The following CASZ1 variants were observed in gnomAD, a reference collection of about 807,000 sequenced individuals.
The protein encoded by CASZ1 is zinc finger protein castor homolog 1.
CASZ1 carries 28 observed loss-of-function variants against 135.2 expected under a neutral mutation model. The ratio of observed to expected loss-of-function variants is 0.21; its 90% CI spans 0.15 to 0.28. The LOEUF is 0.28. Ranked by LOEUF, CASZ1 falls within the 10% of genes least tolerant of loss-of-function variation. The pLI is 1.00. For synonymous variants in CASZ1, 1,068 were observed against 1,073.4 expected (o/e 0.99, Z 0.10); for missense variants, 2,161 against 2,453.3 (o/e 0.88, Z 2.52).
At chr1:10,645,325 T>C (rs1003967056) in intron 17 of CASZ1, among the ~76,000 whole-genome samples, 3 of 151,848 alleles carry the variant, frequency 2.0e-5, no homozygotes, top group Non-Finnish European at 4.4e-5. Context: ...GATCAGGAGA[T>C]CAAGACCATC....
intron 2 of CASZ1, among the ~76,000 whole-genome samples, chr1:10,736,889 G>A (rs1233493858): frequency 6.6e-6 from 1 of 152,232 alleles, no homozygotes; most frequent in African/African-American, 2.4e-5. Context: ...GGTGGGAGGT[G>A]CCCGGGCCTG....
Position 10,759,600 on chromosome 1 carries a change from C to T in CASZ1, c.-77+1101G>A, listed in dbSNP as rs1023549056. 3.3e-5 allele frequency among the ~76,000 whole-genome samples: 5 copies of T among 152,176 alleles called. No individual in the cohort carries two copies. Among genetic ancestry groups the T allele is most frequent in the African/African-American group, 1.2e-4 (5 of 41,452 alleles). On this transcript the variant is annotated intron_variant, in intron 2 of 20. Transcript: ENST00000377022. The surrounding 1 kb of genome is among the most constrained non-coding windows in gnomAD (Gnocchi z 4.2). ...AGGCATGGCCTGGATTCAGGCAGGT[C>T]TGCAGCTTCAGGGACCTACCAAACC... is the stretch of plus-strand genomic sequence containing the variant.
chr1:10,743,896 C>T (rs1333268096), intron 2 of CASZ1, among the ~76,000 whole-genome samples: 9 of 86,114 alleles, frequency 1.0e-4, no homozygotes, highest in Admixed American at 1.5e-4. Flanking sequence ...GAGCATGGGG[C>T]GGCGGGGGGA....
intron 2 of CASZ1, among the ~76,000 whole-genome samples, chr1:10,751,723 A>C (rs1484693124): frequency 6.6e-6 from 1 of 152,134 alleles, no homozygotes; most frequent in African/African-American, 2.4e-5. Context: ...CCTTCTGCTC[A>C]CACCACAAGA....
At chr1:10,658,635 G>T in intron 6 of CASZ1, 59 bp from the exon 7 acceptor site, 2 of 1,495,210 alleles carry the variant, frequency 1.3e-6, no homozygotes, top group South Asian at 2.3e-5. Context: ...CGTGTTACAG[G>T]GGCATCTGGT....
intron 11 of CASZ1, chr1:10,651,916 T>G (rs1642602288): frequency 6.6e-6 from 1 of 152,240 alleles, no homozygotes; most frequent in South Asian, 2.1e-4. Context: ...CTTGACAGTC[T>G]GGCCACCGAG....
chr1:10,650,744 T>C lies in CASZ1; in HGVS notation c.2828A>G (p.Asn943Ser), dbSNP rs748929437. Residue 943 changes from asparagine to serine, a missense_variant, in exon 13 of 21, where the codon AAT (asparagine) becomes AGT (serine). By Grantham distance (46) the Asn-to-Ser change is conservative. Around this residue, in one of 7 missense-constraint regions of CASZ1, gnomAD observed 406 missense variants for 387.6 expected, o/e 1.05. Coordinates refer to ENST00000377022, the MANE Select transcript of CASZ1 (RefSeq NM_001079843.3). Reference protein sequence around the residue: ...LTVKEPSNESNGHAVPANSSL... With the variant: ...LTVKEPSNESSGHAVPANSSL... ...TGAATTTGCCGGGACTGCGTGGCCA[T>C]TTGATTCGTTGCTAGAACACACAAA... 2 of 1,614,154 alleles carry C rather than the reference T, an allele frequency of 1.2e-6. No homozygotes were observed. The highest frequency in any genetic ancestry group is 8.5e-7 in the Non-Finnish European group (1 of 1,179,956).
intron 1 of CASZ1, among the ~76,000 whole-genome samples, chr1:10,772,176 G>A (rs894030853): frequency 9.2e-5 from 14 of 152,196 alleles, no homozygotes; most frequent in Non-Finnish European, 1.6e-4. Flanking sequence ...AGGAGGAGAA[G>A]GGGCATGGGT....
rs1247874830 is a variant in CASZ1, at chr1:10,755,090, A to G, written c.-77+5611T>C. The stretch of plus-strand genomic sequence containing the variant: ...GGTGAGTGGAAGGGGAGCGACCCCC[A>G]GGCCTGAAGGGCAGAGAGCAAGCGG... On this transcript the variant is annotated intron_variant, in intron 2 of 20. Coordinates refer to ENST00000377022, the MANE Select transcript of CASZ1 (RefSeq NM_001079843.3). The surrounding 1 kb of genome is among the most constrained non-coding windows in gnomAD (Gnocchi z 4.3). Among the ~76,000 whole-genome samples the G allele has an allele frequency of 6.6e-6, 1 of 152,214 alleles. No homozygotes were observed. The highest frequency in any genetic ancestry group is 1.5e-5 in the Non-Finnish European group (1 of 68,034).
At position 10,665,280 on chromosome 1, in the gene CASZ1, G is replaced by A. The variant is rs760746614; in HGVS notation, c.308C>T (p.Thr103Ile). Reference sequence around the variant, plus strand: ...GCGGGCAATCCGCCCCAACACGGGTGTGGGTGCCGGCTCCTCGCTGTACTC... The same window carrying A: ...GCGGGCAATCCGCCCCAACACGGGTATGGGTGCCGGCTCCTCGCTGTACTC... ...NGEYSEEPAP[T>I]PVLGRIAREG... Residue 103 changes from threonine (T) to isoleucine (I), a missense_variant, in exon 5 of 21, where the codon ACA (threonine) becomes ATA (isoleucine). By Grantham distance (89) the Thr-to-Ile change is moderately conservative (BLOSUM62 -1). Coordinates refer to ENST00000377022, the MANE Select transcript of CASZ1 (RefSeq NM_001079843.3). 2 of 1,612,068 alleles carry A rather than the reference G, an allele frequency of 1.2e-6. No homozygotes were observed. Among genetic ancestry groups the A allele is most frequent in the Admixed American group, 1.7e-5 (1 of 59,856 alleles).
chr1:10,637,090 TCCGCACTGTCG>T lies in CASZ1; in HGVS notation c.*1841_*1851del, dbSNP rs1451686130. ...ATATGAAGTTTACAAAAGGCTAGACTCCGCACTGTCGGCATCTTCTTCTTTTCTTCTTTTTT... is the reference window on the plus strand; with the variant it reads ...ATATGAAGTTTACAAAAGGCTAGACTGCATCTTCTTCTTTTCTTCTTTTTT... On this transcript the variant is annotated 3_prime_UTR_variant, in exon 21 of 21. Coordinates refer to ENST00000377022, the MANE Select transcript of CASZ1 (RefSeq NM_001079843.3). 6.6e-6 allele frequency: 1 copy of T among 152,284 alleles called. No homozygotes were observed. The highest frequency in any genetic ancestry group is 1.5e-5 in the Non-Finnish European group (1 of 68,016). The allele number at this position is 152,284 out of a possible 1,614,324, so 9.4% of individuals were successfully genotyped here. A position where few individuals can be genotyped will look rare whatever the true frequency, so the allele number is the denominator to read the frequency against.
chr1:10,695,463 C>T (rs182089908), intron 3 of CASZ1, among the ~76,000 whole-genome samples: 9 of 151,878 alleles, frequency 5.9e-5, no homozygotes, highest in African/African-American at 2.2e-4. Context: ...CCATCACTTG[C>T]GCTTCCTCCC....
chr1:10,761,151 G>A (rs544909607), intron 1 of CASZ1, among the ~76,000 whole-genome samples: 1 of 152,368 alleles, frequency 6.6e-6, no homozygotes, highest in African/African-American at 2.4e-5. Flanking sequence ...GGCCAATCAG[G>A]TGCCTCCCCA....
chr1:10,730,493 G>C (rs749796953), intron 2 of CASZ1, among the ~76,000 whole-genome samples: 2 of 152,180 alleles, frequency 1.3e-5, no homozygotes, highest in African/African-American at 4.8e-5. Context: ...ACATGGACCC[G>C]TGTGACTGAG....
intron 13 of CASZ1, 176 bp from the exon 14 acceptor site, chr1:10,649,613 A>AGG: frequency 2.8e-6 from 2 of 710,544 alleles, no homozygotes; most frequent in Non-Finnish European, 4.6e-6. Context: ...CTGAACAGAG[A>AGG]GCCTGCTGTG....
chr1:10,673,882 C>T (rs1050790611), intron 4 of CASZ1, among the ~76,000 whole-genome samples: 1 of 152,194 alleles, frequency 6.6e-6, no homozygotes, highest in African/African-American at 2.4e-5. Flanking sequence ...GGCCAGGCGC[C>T]CTGGGTCTTG....
At position 10,636,835 on chromosome 1, in the gene CASZ1, C is replaced by T. The variant is rs1642009322; in HGVS notation, c.*2107G>A. Reference sequence around the variant, plus strand: ...GTTCTGTATTTTTTTTGTCTCAAAACCTCTCTATATATCTCTATATATCTA... The same window carrying T: ...GTTCTGTATTTTTTTTGTCTCAAAATCTCTCTATATATCTCTATATATCTA... On this transcript the variant is annotated 3_prime_UTR_variant, in exon 21 of 21. Transcript: ENST00000377022. 6.6e-6 allele frequency: 1 copy of T among 151,854 alleles called. No homozygotes were observed. The highest frequency in any genetic ancestry group is 1.9e-4 in the East Asian group (1 of 5,182). The allele number at this position is 151,854 out of a possible 1,614,324, so 9.4% of individuals were successfully genotyped here. A position where few individuals can be genotyped will look rare whatever the true frequency, so the allele number is the denominator to read the frequency against.
At chr1:10,695,149 C>T (rs1375491160) in intron 3 of CASZ1, among the ~76,000 whole-genome samples, 1 of 151,244 alleles carries the variant, frequency 6.6e-6, no homozygotes, top group African/African-American at 2.4e-5. Flanking sequence ...CTGGCGGCTT[C>T]TGGAGCTGGA....
chr1:10,719,193 C>T lies in CASZ1; in HGVS notation c.-76-13649G>A, dbSNP rs954464683. On this transcript the variant is annotated intron_variant, in intron 2 of 20. Coordinates refer to ENST00000377022, the MANE Select transcript of CASZ1 (RefSeq NM_001079843.3). This position sits in a 1 kb window ranked among gnomAD's most constrained non-coding sequence, Gnocchi z 4.0. ...TCCGGCTCCCTAAGTGCTGGGATTA[C>T]AGGCGTGAGCCACCGCACCCGGCCC... 6.6e-6 allele frequency among the ~76,000 whole-genome samples: 1 copy of T among 152,242 alleles called. No individual in the cohort carries two copies.
Sources: gnomAD v4.1 joint callset for allele counts (sites outside exome capture counted in the v4.1 genomes callset) on GRCh38, gnomAD v4.1.1 for gene constraint, gnomAD v4.1.1 regional missense constraint, Gnocchi (gnomAD v3.1) non-coding constraint, MANE v1.5 for transcripts, NCBI Gene and HGNC (gene_info 2026-07-23, HGNC 2026-07-21) for gene names.